Variants in JAZF1 observed in about 807,000 individuals in gnomAD.
JAZF1 encodes the protein juxtaposed with another zinc finger protein 1.
In JAZF1, 8 loss-of-function variants were observed where a neutral mutation model predicts 26.4. The ratio of observed to expected loss-of-function variants is 0.30; its 90% CI spans 0.18 to 0.55. The LOEUF is 0.55. JAZF1 is among the 20% of genes least tolerant of loss of function. JAZF1 has a pLI of 0.94. For synonymous variants in JAZF1, 126 were observed against 122.3 expected, an observed-to-expected ratio of 1.03 and a Z score of -0.20; for missense variants, 199 against 322.0, an observed-to-expected ratio of 0.62 and a Z score of 2.92.
chr7:27,931,387 A>T (rs868001560), intron 2 of JAZF1, among the ~76,000 whole-genome samples: 188 of 152,332 alleles, frequency 1.2e-3, no homozygotes, highest in African/African-American at 4.5e-3. Flanking sequence ...CAGTCTTTAA[A>T]AGCTGTATCC....
chr7:27,882,840 G>A (rs1783795562), intron 3 of JAZF1, among the ~76,000 whole-genome samples: 2 of 152,128 alleles, frequency 1.3e-5, no homozygotes, highest in Non-Finnish European at 2.9e-5. Context: ...GCAGGGACGG[G>A]GGTGTGGAGA....
At chr7:27,984,646 A>C (rs937007837) in intron 2 of JAZF1, among the ~76,000 whole-genome samples, 24 of 152,238 alleles carry the variant, frequency 1.6e-4, no homozygotes, top group Admixed American at 2.6e-4. Context: ...TCAGCAGAAC[A>C]TACATTCTTC....
intron 2 of JAZF1, among the ~76,000 whole-genome samples, chr7:27,910,889 G>T (rs569205446): frequency 2.6e-5 from 4 of 152,224 alleles, no homozygotes; most frequent in African/African-American, 9.6e-5. Flanking sequence ...TGAAGCAATG[G>T]GCATTTTCAG....
chr7:27,928,491 T>C (rs1490343463), intron 2 of JAZF1, among the ~76,000 whole-genome samples: 1 of 152,210 alleles, frequency 6.6e-6, no homozygotes, highest in Non-Finnish European at 1.5e-5. Flanking sequence ...AAAACACAAT[T>C]CTTAAAAGCT....
chr7:28,061,264 A>T (rs75305324), intron 1 of JAZF1, among the ~76,000 whole-genome samples: 2,543 of 152,352 alleles, frequency 0.017, 64 homozygotes, highest in African/African-American at 0.057. Flanking sequence ...GAGACCTTAC[A>T]ATGCAGATGC....
At chr7:27,885,362 C>T (rs1363908453) in intron 3 of JAZF1, among the ~76,000 whole-genome samples, 1 of 152,232 alleles carries the variant, frequency 6.6e-6, no homozygotes, top group Non-Finnish European at 1.5e-5. Context: ...AGGGTTATTG[C>T]TACCTTTACT....
chr7:28,158,191 A>AGG (rs1783221765), intron 1 of JAZF1, among the ~76,000 whole-genome samples: 1 of 151,322 alleles, frequency 6.6e-6, no homozygotes, highest in African/African-American at 2.4e-5. Flanking sequence ...ACACACAGAG[A>AGG]GAGAGAGAGA....
chr7:27,986,074 A>G (rs1785698641), intron 2 of JAZF1, among the ~76,000 whole-genome samples: 1 of 152,188 alleles, frequency 6.6e-6, no homozygotes, highest in Admixed American at 6.5e-5. Context: ...GTCCTCTCTC[A>G]CCACTCCTAT....
intron 1 of JAZF1, among the ~76,000 whole-genome samples, chr7:28,158,190 G>C (rs141930459): frequency 2.3e-4 from 20 of 86,970 alleles, no homozygotes; most frequent in South Asian, 8.4e-4. Flanking sequence ...CACACACAGA[G>C]AGAGAGAGAG....
At chr7:28,179,855 AGTG>A (rs1185880570) in intron 1 of JAZF1, among the ~76,000 whole-genome samples, 2 of 139,554 alleles carry the variant, frequency 1.4e-5, no homozygotes, top group African/African-American at 2.7e-5. Context: ...GACAGGACGC[AGTG>A]GCGGCGGCGG....
intron 2 of JAZF1, among the ~76,000 whole-genome samples, chr7:27,961,799 AGGG>A (rs1247309905): frequency 3.3e-5 from 5 of 152,196 alleles, no homozygotes; most frequent in Admixed American, 6.5e-5. Flanking sequence ...CTGCATTTTA[AGGG>A]GGAAATTGTA....
chr7:27,976,860 C>T (rs1785483276), intron 2 of JAZF1, among the ~76,000 whole-genome samples: 1 of 151,910 alleles, frequency 6.6e-6, no homozygotes, highest in Non-Finnish European at 1.5e-5. Context: ...AACTGAAACA[C>T]CAAGAGTGAG....
At chr7:27,935,562 C>A (rs1392540929) in intron 2 of JAZF1, among the ~76,000 whole-genome samples, 1 of 152,088 alleles carries the variant, frequency 6.6e-6, no homozygotes, top group Non-Finnish European at 1.5e-5. Flanking sequence ...TGGGCAGTGA[C>A]AACTAATGTG....
chr7:27,871,682 T>C (rs1424433299), intron 3 of JAZF1, among the ~76,000 whole-genome samples: 1 of 152,212 alleles, frequency 6.6e-6, no homozygotes, highest in African/African-American at 2.4e-5. Context: ...AAGAGAAATG[T>C]TTTCTATGTC....
At chr7:27,969,246 C>T (rs1583485486) in intron 2 of JAZF1, among the ~76,000 whole-genome samples, 1 of 152,278 alleles carries the variant, frequency 6.6e-6, no homozygotes, top group Admixed American at 6.5e-5. Context: ...ACCAAGAAGG[C>T]AGGGATAATT....
chr7:27,972,117 C>G (rs1785384102), intron 2 of JAZF1, among the ~76,000 whole-genome samples: 1 of 152,130 alleles, frequency 6.6e-6, no homozygotes, highest in Non-Finnish European at 1.5e-5. Flanking sequence ...GCCCAGATTC[C>G]TTAGGGGAAG....
At chr7:27,908,526 T>A (rs1784302231) in intron 2 of JAZF1, among the ~76,000 whole-genome samples, 1 of 152,182 alleles carries the variant, frequency 6.6e-6, no homozygotes, top group Admixed American at 6.5e-5. Context: ...TAAATAAAAT[T>A]CATGGACGGT....
intron 2 of JAZF1, among the ~76,000 whole-genome samples, chr7:27,966,798 T>C (rs1785284162): frequency 6.6e-6 from 1 of 152,238 alleles, no homozygotes. Flanking sequence ...AAGTTCCTTC[T>C]ACTTATTTCT....
At chr7:27,867,033 A>T (rs970826736) in intron 3 of JAZF1, among the ~76,000 whole-genome samples, 1 of 152,218 alleles carries the variant, frequency 6.6e-6, no homozygotes, top group Non-Finnish European at 1.5e-5. Flanking sequence ...TTGTTGGACC[A>T]ACTGCTGCTT....
Sources: gnomAD v4.1 joint callset for allele counts (sites outside exome capture counted in the v4.1 genomes callset) on GRCh38, gnomAD v4.1.1 for gene constraint, MANE v1.5 for transcripts, NCBI Gene and HGNC (gene_info 2026-07-23, HGNC 2026-07-21) for gene names.